SRP54: variants seen among roughly 807,000 people sequenced by gnomAD.
SRP54 encodes the protein signal recognition particle 54.
SRP54 carries 10 observed loss-of-function variants against 64.8 expected under a neutral mutation model. That is an observed-to-expected ratio of 0.15 (90% CI 0.10 to 0.26). The LOEUF (loss-of-function observed/expected upper bound fraction) is 0.26, where lower values mean the gene tolerates loss of function less well. SRP54 is among the 10% of genes least tolerant of loss of function. The pLI is 1.00. For missense variants in SRP54, 325 were observed against 613.7 expected, an observed-to-expected ratio of 0.53 and a Z score of 4.97; for synonymous variants, 193 against 185.6, an observed-to-expected ratio of 1.04 and a Z score of -0.32.
intron 3 of SRP54, chr14:34,999,887 A>T (rs928467145): frequency 1.6e-5 from 5 of 309,512 alleles, no homozygotes; most frequent in African/African-American, 1.1e-4. Context: ...CTATTTTACT[A>T]GTCTTTTATT....
chr14:34,998,761 C>G (rs4982235), intron 2 of SRP54, among the ~76,000 whole-genome samples: 1 of 150,316 alleles, frequency 6.7e-6, no homozygotes, highest in Non-Finnish European at 1.5e-5. Context: ...TGCAGTGAGC[C>G]GAGATCACGC....
Position 35,007,274 on chromosome 14 carries a change from G to A in SRP54, c.256-9G>A, listed in dbSNP as rs530652850. 1 of 1,524,848 alleles carries A rather than the reference G, an allele frequency of 6.6e-7. No individual in the cohort carries two copies. The highest frequency in any genetic ancestry group is 1.2e-5 in the South Asian group (1 of 81,926). The allele number at this position is 1,524,848 out of a possible 1,614,324, so 94.5% of individuals were successfully genotyped here. A position where few individuals can be genotyped will look rare whatever the true frequency, so the allele number is the denominator to read the frequency against. On this transcript the variant is annotated splice_polypyrimidine_tract_variant and intron_variant, in intron 4 of 15. Transcript: ENST00000216774. Reference sequence around the variant, plus strand: ...CTGATTTTATTTTTAATTTATTTTTGGTATTTAGCTTGTAGACCCTGGAGT... The same window carrying A: ...CTGATTTTATTTTTAATTTATTTTTAGTATTTAGCTTGTAGACCCTGGAGT...
chr14:35,008,213 A>G (rs962547079), intron 5 of SRP54, among the ~76,000 whole-genome samples: 16 of 152,168 alleles, frequency 1.1e-4, no homozygotes, highest in African/African-American at 3.6e-4. Context: ...GCTTTATGCT[A>G]ATTTTTAATT....
chr14:35,000,997 G>T lies in SRP54; in HGVS notation c.232G>T (p.Ala78Ser). ...GLNKRKMIQH[A>S]VFKELVKLVD... The stretch of plus-strand genomic sequence containing the variant: ...TAACAAAAGAAAAATGATTCAGCAT[G>T]CTGTATTTAAAGAACTTGTGAAGGT... Residue 78 changes from alanine (A) to serine (S), a missense_variant, in exon 4 of 16, where the codon GCT becomes TCT. Physicochemically the swap from Ala to Ser is moderately conservative, Grantham distance 99 (BLOSUM62 1). Coordinates refer to ENST00000216774, the MANE Select transcript of SRP54 (RefSeq NM_003136.4). The T allele has an allele frequency of 6.3e-7, 1 of 1,592,312 alleles. No homozygotes were observed. The highest frequency in any genetic ancestry group is 8.6e-7 in the Non-Finnish European group (1 of 1,168,670).
intron 2 of SRP54, among the ~76,000 whole-genome samples, chr14:34,999,058 A>G (rs535464016): frequency 3.1e-4 from 36 of 116,404 alleles, no homozygotes; most frequent in Non-Finnish European, 8.3e-5. Context: ...TCTGTCACCC[A>G]GGCTGGAGTG....
chr14:35,019,289 A>G (rs2044489392), intron 13 of SRP54: 2 of 380,268 alleles, frequency 5.3e-6, no homozygotes, highest in South Asian at 3.3e-5. Flanking sequence ...TACTTCTCCA[A>G]ATGAGTTACA....
chr14:35,011,626 G>A lies in SRP54; in HGVS notation c.603G>A (p.Leu201=), dbSNP rs1281523708. 2 of 1,585,020 alleles carry A rather than the reference G, an allele frequency of 1.3e-6. No homozygotes were observed. The highest frequency in any genetic ancestry group is 1.2e-5 in the South Asian group (1 of 85,894). Reference sequence around the variant, plus strand: ...GCCGCCACAAACAAGAAGACTCTTTGTTTGAAGAAATGCTTCAAGTTGCTA... The same window carrying A: ...GCCGCCACAAACAAGAAGACTCTTTATTTGAAGAAATGCTTCAAGTTGCTA... ...TSGRHKQEDS[L]FEEMLQVANA... Residue 201 remains leucine, a synonymous_variant, in exon 8 of 16, where the codon TTG becomes TTA. Transcript: ENST00000216774.
At chr14:35,012,199 A>G (rs2044366549) in intron 8 of SRP54, among the ~76,000 whole-genome samples, 1 of 147,336 alleles carries the variant, frequency 6.8e-6, no homozygotes, top group Non-Finnish European at 1.5e-5. Flanking sequence ...CTGGGCAACA[A>G]GAGCAAAACT....
At chr14:34,996,216 A>T (rs1231030174) in intron 1 of SRP54, among the ~76,000 whole-genome samples, 1 of 152,190 alleles carries the variant, frequency 6.6e-6, no homozygotes, top group Non-Finnish European at 1.5e-5. Flanking sequence ...AAGTTATTAA[A>T]ACCTTTTTTC....
chr14:35,008,532 A>G, intron 5 of SRP54, 95 bp from the exon 6 acceptor site: 1 of 758,648 alleles, frequency 1.3e-6, no homozygotes, highest in Non-Finnish European at 1.9e-6. Context: ...GTTTTATTTT[A>G]CTCCTTAGGT....
chr14:34,985,635 G>A (rs981248623), intron 1 of SRP54, among the ~76,000 whole-genome samples: 1 of 152,068 alleles, frequency 6.6e-6, no homozygotes, highest in African/African-American at 2.4e-5. Context: ...ATGTTTCTAA[G>A]GTATAGAACA....
rs573862552 is a variant in SRP54, at chr14:35,028,232, G to T, written c.1423+49G>T. 2.0e-5 allele frequency: 24 copies of T among 1,210,260 alleles called. 1 individual carries two copies. In the South Asian group the frequency reaches 3.1e-4, roughly 16 times the overall value. The allele number at this position is 1,210,260 out of a possible 1,614,324, so 75.0% of individuals were successfully genotyped here. A position where few individuals can be genotyped will look rare whatever the true frequency, so the allele number is the denominator to read the frequency against. On this transcript the variant is annotated intron_variant, in intron 15 of 15. Transcript: ENST00000216774. ...TGCTAATGCAGTTTAATTTATAAGG[G>T]TTGAGTTTTAATGATAAGCCTTTTA...
chr14:34,996,580 TA>T, intron 1 of SRP54, 96 bp from the exon 2 acceptor site: 1 of 690,218 alleles, frequency 1.4e-6, no homozygotes, highest in South Asian at 1.7e-5. Context: ...TTACAGTATC[TA>T]AACACTAGAG....
At chr14:34,984,345 G>C (rs1316423816) in intron 1 of SRP54, among the ~76,000 whole-genome samples, 1 of 152,096 alleles carries the variant, frequency 6.6e-6, no homozygotes, top group Admixed American at 6.5e-5. Flanking sequence ...CTATCTCTTT[G>C]GTTATTTTCA....
chr14:34,997,556 A>G (rs185625331), intron 2 of SRP54, among the ~76,000 whole-genome samples: 32 of 152,316 alleles, frequency 2.1e-4, no homozygotes, highest in African/African-American at 6.5e-4. Context: ...AATAGGAAAA[A>G]TAGCATTTAC....
intron 14 of SRP54, among the ~76,000 whole-genome samples, chr14:35,027,172 G>A (rs879576267): frequency 7.9e-5 from 12 of 151,864 alleles, no homozygotes; most frequent in Non-Finnish European, 1.8e-4. Flanking sequence ...GACTACAGGC[G>A]TGTGCCACCA....
At chr14:35,006,306 T>TG (rs2044257061) in intron 4 of SRP54, among the ~76,000 whole-genome samples, 1 of 152,220 alleles carries the variant, frequency 6.6e-6, no homozygotes, top group Non-Finnish European at 1.5e-5. Context: ...GGAAAATCTT[T>TG]CACATATAAT....
In SRP54 at chr14:35,011,534, A is replaced by G. The variant is rs1232030221; in HGVS notation, c.511A>G (p.Ile171Val). The G allele has an allele frequency of 6.4e-7, 1 of 1,561,078 alleles. No individual in the cohort carries two copies. Among genetic ancestry groups the G allele is most frequent in the Non-Finnish European group, 8.7e-7 (1 of 1,148,210 alleles). Residue 171 changes from isoleucine (I) to valine (V), a missense_variant, in exon 8 of 16, where the codon ATT becomes GTT. Transcript: ENST00000216774. Reference protein sequence around the residue: ...GSYTEMDPVIIASEGVEKFKN... With the variant: ...GSYTEMDPVIVASEGVEKFKN... ...CTATACAGAAATGGATCCTGTCATC[A>G]TTGCTTCTGAAGGAGTAGAGAAATT...
rs1360956412 is a variant in SRP54, at chr14:34,983,083, G to C, written c.-166G>C. 2 of 152,268 alleles carry C rather than the reference G, an allele frequency of 1.3e-5. No individual in the cohort carries two copies. Among genetic ancestry groups the C allele is most frequent in the African/African-American group, 4.8e-5 (2 of 41,470 alleles). The allele number at this position is 152,268 out of a possible 1,614,324, so 9.4% of individuals were successfully genotyped here. A position where few individuals can be genotyped will look rare whatever the true frequency, so the allele number is the denominator to read the frequency against. ...GGGCGTTGGGACCCTACTTTATCTA[G>C]TTCGGGAAGTTGGGTTGTGGGGTCA... On this transcript the variant is annotated 5_prime_UTR_variant, in exon 1 of 16. Coordinates refer to ENST00000216774, the MANE Select transcript of SRP54 (RefSeq NM_003136.4).
Sources: allele counts gnomAD v4.1 joint callset (sites outside exome capture counted in the v4.1 genomes callset), GRCh38; gene constraint gnomAD v4.1.1; transcripts MANE v1.5; gene names NCBI Gene and HGNC (gene_info 2026-07-23, HGNC 2026-07-21).